OSBPL5: variants seen among roughly 807,000 people sequenced by gnomAD.
The protein encoded by OSBPL5 is oxysterol binding protein like 5, also known as oxysterol-binding protein-related protein 5.
OSBPL5 carries 71 observed loss-of-function variants against 111.2 expected under a neutral mutation model. That is an observed-to-expected ratio of 0.64 (90% confidence interval 0.53 to 0.78). The LOEUF (loss-of-function observed/expected upper bound fraction) is 0.78. Ranked by LOEUF, OSBPL5 falls within the 30% of genes least tolerant of loss-of-function variation. The probability of loss-of-function intolerance (pLI) is 0.00; values close to 1 mark genes in which losing one functional copy is unlikely to be tolerated. For missense variants in OSBPL5, 1,210 were observed against 1,189.3 expected, an observed-to-expected ratio of 1.02 and a Z score of -0.26; for synonymous variants, 549 against 513.9, an observed-to-expected ratio of 1.07 and a Z score of -0.93.
Position 3,154,724 on chromosome 11 carries a change from A to G in OSBPL5, c.-22+10492T>C, listed in dbSNP as rs1846699342. Among the ~76,000 whole-genome samples, 1 of 151,956 alleles carries G rather than the reference A, an allele frequency of 6.6e-6. No individual in the cohort carries two copies. The highest frequency in any genetic ancestry group is 2.4e-5 in the African/African-American group (1 of 41,346). On this transcript the variant is annotated intron_variant, in intron 1 of 21. Coordinates refer to ENST00000263650, the MANE Select transcript of OSBPL5 (RefSeq NM_020896.4). This position sits in a 1 kb window ranked among gnomAD's most constrained non-coding sequence, Gnocchi z 4.9. ...GTTATGGGCTAAATGTGTCCCCTCA[A>G]TCCATGTGTTGATGTCTCAGCCCCT... is the stretch of plus-strand genomic sequence containing the variant.
intron 7 of OSBPL5, among the ~76,000 whole-genome samples, chr11:3,117,835 A>G (rs970102287): frequency 6.6e-6 from 1 of 152,228 alleles, no homozygotes; most frequent in Non-Finnish European, 1.5e-5. Context: ...GACAACTTAA[A>G]CTTCAGAAGA....
In OSBPL5 at chr11:3,107,532, G is replaced by A. The variant is rs576009868; in HGVS notation, c.867-77C>T. The A allele has an allele frequency of 4.5e-5, 68 of 1,513,108 alleles. No homozygotes were observed. The highest frequency in any genetic ancestry group is 2.1e-4 in the African/African-American group (15 of 72,306). The allele number at this position is 1,513,108 out of a possible 1,614,324, so 93.7% of individuals were successfully genotyped here. On this transcript the variant is annotated intron_variant, in intron 8 of 21. Coordinates refer to ENST00000263650, the MANE Select transcript of OSBPL5 (RefSeq NM_020896.4). This position sits in a 1 kb window ranked among gnomAD's most constrained non-coding sequence, Gnocchi z 6.1. Reference sequence around the variant, plus strand: ...CAGCCCTCTGGGCTGCCCACCCCTCGCTGCTCCGCACTTCACATACGTTCC... The same window carrying A: ...CAGCCCTCTGGGCTGCCCACCCCTCACTGCTCCGCACTTCACATACGTTCC...
chr11:3,125,416 A>T lies in OSBPL5; in HGVS notation c.219+1057T>A, dbSNP rs1858576409. Among the ~76,000 whole-genome samples, 3 of 152,292 alleles carry T rather than the reference A, an allele frequency of 2.0e-5. No homozygotes were observed. In the South Asian group the frequency reaches 6.2e-4, roughly 32 times the overall value. ...ACATTTCTCCAAACAGGACATACAA[A>T]TGGCTAATGGGTGCACGAAGATGTT... On this transcript the variant is annotated intron_variant, in intron 3 of 21. Transcript: ENST00000263650.
rs763806853 is a variant in OSBPL5 at position 3,104,261 on chromosome 11, G to A, written c.1176C>T (p.Phe392=). ...TCAGGAAGGAGCGCGGCTCCAGTACGAACGTGGGTAGCACCACGCGGGACA... is the reference window on the plus strand; with the variant it reads ...TCAGGAAGGAGCGCGGCTCCAGTACAAACGTGGGTAGCACCACGCGGGACA... ...MDLSRVVLPT[F]VLEPRSFLNK... is the part of the protein sequence containing the mutation. Residue 392 remains phenylalanine (F), a synonymous_variant, in exon 10 of 22, where the codon TTC becomes TTT. Transcript: ENST00000263650. The surrounding 1 kb of genome is among the most constrained non-coding windows in gnomAD (Gnocchi z 5.0). The A allele has an allele frequency of 3.1e-5, 50 of 1,613,624 alleles. No individual in the cohort carries two copies. Among genetic ancestry groups the A allele is most frequent in the African/African-American group, 5.3e-5 (4 of 74,934 alleles).
intron 1 of OSBPL5, among the ~76,000 whole-genome samples, chr11:3,133,062 G>T (rs1473573676): frequency 2.0e-5 from 3 of 152,238 alleles, no homozygotes; most frequent in Non-Finnish European, 4.4e-5. Flanking sequence ...CCTCAGAGAG[G>T]TGAGCAGGGT....
At position 3,106,737 on chromosome 11, in the gene OSBPL5, C is replaced by A. The variant is rs994105486; in HGVS notation, c.1059+526G>T. 2.0e-5 allele frequency among the ~76,000 whole-genome samples: 3 copies of A among 152,182 alleles called. No individual in the cohort carries two copies. The highest frequency in any genetic ancestry group is 4.4e-5 in the Non-Finnish European group (3 of 68,034). Reference sequence around the variant, plus strand: ...TTTGCCTCCCTCACCTGCTCCCCAGCCTCCTCTTGTGTTTGTGGGTTTATC... The same window carrying A: ...TTTGCCTCCCTCACCTGCTCCCCAGACTCCTCTTGTGTTTGTGGGTTTATC... On this transcript the variant is annotated intron_variant, in intron 9 of 21. Transcript: ENST00000263650. This position sits in a 1 kb window ranked among gnomAD's most constrained non-coding sequence, Gnocchi z 8.4.
Position 3,092,296 on chromosome 11 carries a change from G to A in OSBPL5, c.2259+136C>T, listed in dbSNP as rs1857086621. 6 of 1,240,580 alleles carry A rather than the reference G, an allele frequency of 4.8e-6. No individual in the cohort carries two copies. Among genetic ancestry groups the A allele is most frequent in the African/African-American group, 3.0e-5 (2 of 65,882 alleles). The allele number at this position is 1,240,580 out of a possible 1,614,324, so 76.8% of individuals were successfully genotyped here. A position where few individuals can be genotyped will look rare whatever the true frequency, so the allele number is the denominator to read the frequency against. On this transcript the variant is annotated intron_variant, in intron 19 of 21. Transcript: ENST00000263650. The surrounding 1 kb of genome is among the most constrained non-coding windows in gnomAD (Gnocchi z 5.4). ...CCCATGCTCGGCAGAGAAGGAAAGG[G>A]GACGAGGGGGCTGGGGGATGAGGGC...
intron 14 of OSBPL5, among the ~76,000 whole-genome samples, chr11:3,096,959 G>A (rs1857278119): frequency 1.3e-5 from 2 of 149,444 alleles, no homozygotes; most frequent in African/African-American, 5.0e-5. Context: ...GATGGGAGGA[G>A]GAGAAGAGGA....
rs565680207 is a variant in OSBPL5, at chr11:3,161,579, C to T, written c.-22+3637G>A. On this transcript the variant is annotated intron_variant, in intron 1 of 21. Coordinates refer to ENST00000263650, the MANE Select transcript of OSBPL5 (RefSeq NM_020896.4). The surrounding 1 kb of genome is among the most constrained non-coding windows in gnomAD (Gnocchi z 8.0). The stretch of plus-strand genomic sequence containing the variant: ...GTGTGCCAGCCCCTGGGAAGAGAGC[C>T]CGGAGCAGACTTGCAGGCAACCGTG... Among the ~76,000 whole-genome samples the T allele has an allele frequency of 2.0e-5, 3 of 152,246 alleles. No homozygotes were observed. Among genetic ancestry groups the T allele is most frequent in the Non-Finnish European group, 2.9e-5 (2 of 68,022 alleles).
rs1052465098 is a variant in OSBPL5 at position 3,161,719 on chromosome 11, A to C, written c.-22+3497T>G. The stretch of plus-strand genomic sequence containing the variant: ...TCGCTTTCTCCATAGGAAGCCATTC[A>C]ATTAAACAAACATGACCATTTCAGT... On this transcript the variant is annotated intron_variant, in intron 1 of 21. Transcript: ENST00000263650. The surrounding 1 kb of genome is among the most constrained non-coding windows in gnomAD (Gnocchi z 8.0). Among the ~76,000 whole-genome samples, 9 of 152,174 alleles carry C rather than the reference A, an allele frequency of 5.9e-5. No homozygotes were observed. The highest frequency in any genetic ancestry group is 1.0e-4 in the Non-Finnish European group (7 of 68,032).
At chr11:3,123,573 C>T (rs1371371045) in intron 3 of OSBPL5, among the ~76,000 whole-genome samples, 2 of 152,204 alleles carry the variant, frequency 1.3e-5, no homozygotes, top group Admixed American at 1.3e-4. Flanking sequence ...AAAGCGTGCC[C>T]GCCCTGCCCT....
At chr11:3,114,591 A>ACTTT (rs774192603) in intron 7 of OSBPL5, among the ~76,000 whole-genome samples, 8,506 of 113,864 alleles carry the variant, frequency 0.075, 2,814 homozygotes, top group African/African-American at 0.14. Flanking sequence ...TAGAACAATG[A>ACTTT]TTTTTTTTTT....
Position 3,161,795 on chromosome 11 carries a change from T to TA in OSBPL5, c.-22+3420dup, listed in dbSNP as rs770512618. 6.6e-6 allele frequency among the ~76,000 whole-genome samples: 1 copy of TA among 152,100 alleles called. No homozygotes were observed. The highest frequency in any genetic ancestry group is 1.9e-4 in the East Asian group (1 of 5,188). On this transcript the variant is annotated intron_variant, in intron 1 of 21. Transcript: ENST00000263650. This position sits in a 1 kb window ranked among gnomAD's most constrained non-coding sequence, Gnocchi z 8.0. ...GAGCTGAGAGCTGCTTTGGAATGGG[T>TA]AACGGGCCAGGAACAGAGACTCTCT...
intron 1 of OSBPL5, among the ~76,000 whole-genome samples, chr11:3,149,796 G>A (rs929917952): frequency 4.6e-5 from 7 of 152,342 alleles, no homozygotes; most frequent in African/African-American, 1.4e-4. Flanking sequence ...CAGGCACCAC[G>A]TAGCCCGGGG....
intron 1 of OSBPL5, among the ~76,000 whole-genome samples, chr11:3,163,663 G>A (rs1033472272): frequency 6.6e-6 from 1 of 152,178 alleles, no homozygotes; most frequent in Non-Finnish European, 1.5e-5. Context: ...CCCGGGGTTC[G>A]ACATCTGCAG....
At position 3,103,778 on chromosome 11, in the gene OSBPL5, TCTGCAGTCCCTTCCTGC is replaced by T. The variant is rs1564830071; in HGVS notation, c.1244+398_1244+414del. ...CCAGCTCTGCAGCCCCCTTCCAGCC[TCTGCAGTCCCTTCCTGC>T]CTCTGCAGCCCTCTTCCTGCCTGCG... On this transcript the variant is annotated intron_variant, in intron 10 of 21. Transcript: ENST00000263650. 9.2e-4 allele frequency among the ~76,000 whole-genome samples: 43 copies of T among 46,588 alleles called. 2 individuals carry two copies. Among genetic ancestry groups the T allele is most frequent in the Non-Finnish European group, 1.5e-3 (32 of 21,020 alleles). The allele number at this position is 46,588 out of a possible 152,430, so 30.6% of individuals were successfully genotyped here.
intron 7 of OSBPL5, among the ~76,000 whole-genome samples, chr11:3,116,787 G>A (rs565572340): frequency 5.5e-4 from 81 of 148,308 alleles, no homozygotes; most frequent in African/African-American, 1.9e-3. Flanking sequence ...CCCAGGAGGT[G>A]GAGGTTGCAG....
chr11:3,102,270 C>T lies in OSBPL5; in HGVS notation c.1338G>A (p.Lys446=), dbSNP rs1450076777. 6.3e-7 allele frequency: 1 copy of T among 1,599,808 alleles called. No individual in the cohort carries two copies. The highest frequency in any genetic ancestry group is 8.5e-7 in the Non-Finnish European group (1 of 1,173,668). ...GFYKKPKGIK[K]PYNPILGETF... ...TCTCCCCCAGGATGGGGTTGTACGGCTTCTTGATTCCCTGCAGACAACAGA... is the reference window on the plus strand; with the variant it reads ...TCTCCCCCAGGATGGGGTTGTACGGTTTCTTGATTCCCTGCAGACAACAGA... The change falls in exon 12 of 22, where the codon AAG becomes AAA. Residue 446 remains lysine, a synonymous_variant. Transcript: ENST00000263650.
rs560692991 is a variant in OSBPL5 at position 3,141,612 on chromosome 11, T to C, written c.-21-12443A>G. ...AGGACAGGGAGGGGCTGGATTTTGC[T>C]GACCTCCAAGGGGAACCCTTCTATG... On this transcript the variant is annotated intron_variant, in intron 1 of 21. Transcript: ENST00000263650. The surrounding 1 kb of genome is among the most constrained non-coding windows in gnomAD (Gnocchi z 6.5). 1.3e-5 allele frequency among the ~76,000 whole-genome samples: 2 copies of C among 152,346 alleles called. No homozygotes were observed. Among genetic ancestry groups the C allele is most frequent in the Non-Finnish European group, 2.9e-5 (2 of 68,036 alleles).
Sources: allele counts gnomAD v4.1 joint callset (sites outside exome capture counted in the v4.1 genomes callset), GRCh38; gene constraint gnomAD v4.1.1; non-coding constraint Gnocchi (gnomAD v3.1); transcripts MANE v1.5; gene names NCBI Gene and HGNC (gene_info 2026-07-23, HGNC 2026-07-21).